COA1: variants seen among roughly 807,000 people sequenced by gnomAD.
The protein encoded by COA1 is cytochrome c oxidase assembly factor 1 homolog.
In COA1, 13 loss-of-function variants were observed where a neutral mutation model predicts 16.0. The ratio of observed to expected loss-of-function variants is 0.81; its 90% confidence interval spans 0.53 to 1.29. The LOEUF (loss-of-function observed/expected upper bound fraction) is 1.29. COA1 is among the 50% of genes most tolerant of loss of function. COA1 has a pLI of 0.00. For missense variants in COA1, 179 were observed against 177.0 expected, an observed-to-expected ratio of 1.01 and a Z score of -0.06; for synonymous variants, 65 against 65.7, an observed-to-expected ratio of 0.99 and a Z score of 0.05.
rs2095285297 is a variant in COA1 at position 43,712,587 on chromosome 7, G to C, written c.-39+16842C>G. On this transcript the variant is annotated intron_variant, in intron 1 of 5. Coordinates refer to ENST00000223336, the MANE Select transcript of COA1 (RefSeq NM_018224.4). ...TGAAATTTCCTAATGATGGGCCCCA[G>C]TGTGGGTATATTTATTAGACTGAAC... is the stretch of plus-strand genomic sequence containing the variant. Among the ~76,000 whole-genome samples the C allele has an allele frequency of 2.0e-5, 3 of 152,284 alleles. No homozygotes were observed. In the South Asian group the frequency reaches 6.2e-4, roughly 32 times the overall value.
At chr7:43,652,776 C>T (rs2091045472) in intron 1 of COA1, among the ~76,000 whole-genome samples, 1 of 148,632 alleles carries the variant, frequency 6.7e-6, no homozygotes, top group African/African-American at 2.5e-5. Flanking sequence ...AGAGATGGTT[C>T]TTCCCTATTG....
chr7:43,695,683 A>G (rs2131186005), intron 1 of COA1, among the ~76,000 whole-genome samples: 1 of 152,204 alleles, frequency 6.6e-6, no homozygotes, highest in South Asian at 2.1e-4. Context: ...CATACCAATC[A>G]TATGCCAAAA....
intron 5 of COA1, 23 bp downstream of exon 5, chr7:43,640,550 C>T (rs2086788597): frequency 1.3e-6 from 2 of 1,568,646 alleles, no homozygotes; most frequent in East Asian, 2.3e-5. Flanking sequence ...CGCTCCCCCA[C>T]TGCCGTCACC....
chr7:43,679,049 C>T (rs1286300840), intron 1 of COA1, among the ~76,000 whole-genome samples: 5 of 152,092 alleles, frequency 3.3e-5, no homozygotes, highest in Admixed American at 2.0e-4. Context: ...AAGGCCAAGG[C>T]GGGTTGATTA....
intron 1 of COA1, among the ~76,000 whole-genome samples, chr7:43,691,091 A>C: frequency 6.7e-6 from 1 of 149,222 alleles, no homozygotes; most frequent in Non-Finnish European, 1.5e-5. Flanking sequence ...AAAGAAAAGA[A>C]AATTGGCCAG....
intron 1 of COA1, chr7:43,649,241 G>A (rs1300164520): frequency 1.3e-5 from 2 of 152,388 alleles, no homozygotes; most frequent in African/African-American, 2.4e-5. Context: ...AGTAAACTGA[G>A]GCACAGAAAG....
intron 1 of COA1, among the ~76,000 whole-genome samples, chr7:43,726,300 A>C (rs1356564598): frequency 6.6e-6 from 1 of 152,210 alleles, no homozygotes; most frequent in Non-Finnish European, 1.5e-5. Flanking sequence ...AGGGACTCAG[A>C]TGTCACACTA....
At chr7:43,633,747 GGT>G (rs2085413608) in intron 6 of COA1, among the ~76,000 whole-genome samples, 1 of 152,064 alleles carries the variant, frequency 6.6e-6, no homozygotes, top group Non-Finnish European at 1.5e-5. Context: ...AATGAAACTA[GGT>G]ATATACGCCT....
intron 6 of COA1, among the ~76,000 whole-genome samples, chr7:43,630,981 AAACTC>A (rs1335212480): frequency 2.0e-5 from 3 of 152,172 alleles, no homozygotes; most frequent in Non-Finnish European, 4.4e-5. Flanking sequence ...CCAATTTAGA[AAACTC>A]AAGGAGGAAA....
intron 1 of COA1, among the ~76,000 whole-genome samples, chr7:43,675,836 C>A (rs1325775025): frequency 6.6e-6 from 1 of 151,790 alleles, no homozygotes; most frequent in Non-Finnish European, 1.5e-5. Flanking sequence ...ATACTGAATT[C>A]TAACATCTAA....
chr7:43,668,373 A>G (rs2093022974), intron 1 of COA1, among the ~76,000 whole-genome samples: 1 of 152,212 alleles, frequency 6.6e-6, no homozygotes, highest in African/African-American at 2.4e-5. Flanking sequence ...ATCAAAGCCA[A>G]TCCAAAAGGC....
intron 6 of COA1, among the ~76,000 whole-genome samples, chr7:43,628,302 CTTTT>C (rs2084808478): frequency 6.8e-6 from 1 of 147,616 alleles, no homozygotes; most frequent in South Asian, 2.1e-4. Flanking sequence ...TGGTTTGTTC[CTTTT>C]TATTGTTGTG....
intron 1 of COA1, among the ~76,000 whole-genome samples, chr7:43,719,583 T>C (rs2095465527): frequency 6.6e-6 from 1 of 152,248 alleles, no homozygotes; most frequent in Admixed American, 6.5e-5. Context: ...CTAAATTTCC[T>C]TTTCTATTAG....
At chr7:43,644,047 C>T (rs2087977618) in intron 4 of COA1, among the ~76,000 whole-genome samples, 1 of 152,152 alleles carries the variant, frequency 6.6e-6, no homozygotes, top group Admixed American at 6.5e-5. Context: ...TACCTGCCCA[C>T]ACCCACCTCG....
intron 1 of COA1, among the ~76,000 whole-genome samples, chr7:43,718,592 G>GATAAAGTT (rs2095441984): frequency 2.6e-5 from 4 of 152,140 alleles, no homozygotes; most frequent in Admixed American, 2.0e-4. Flanking sequence ...TTTATCCAGA[G>GATAAAGTT]ATCATCTGCT....
chr7:43,709,393 G>C (rs901179870), intron 1 of COA1, among the ~76,000 whole-genome samples: 5 of 150,878 alleles, frequency 3.3e-5, no homozygotes, highest in African/African-American at 1.2e-4. Context: ...AATTCATTTG[G>C]GGTGTAATAT....
intron 1 of COA1, among the ~76,000 whole-genome samples, chr7:43,710,375 A>T (rs2690386): frequency 0.2 from 6,629 of 33,814 alleles, 741 homozygotes; most frequent in African/African-American, 0.33. Flanking sequence ...AAAAAAAAAA[A>T]ATATATATAT....
intron 6 of COA1, among the ~76,000 whole-genome samples, chr7:43,611,963 G>C (rs2082917496): frequency 6.6e-6 from 1 of 152,160 alleles, no homozygotes; most frequent in Non-Finnish European, 1.5e-5. Flanking sequence ...ATGGATCTTT[G>C]ATGTTACTTG....
At chr7:43,720,104 C>A (rs1028891178) in intron 1 of COA1, among the ~76,000 whole-genome samples, 2 of 152,006 alleles carry the variant, frequency 1.3e-5, no homozygotes, top group Admixed American at 6.6e-5. Context: ...CATGGTGAAA[C>A]CCCATCTCTA....
Sources: gnomAD v4.1 joint callset for allele counts (sites outside exome capture counted in the v4.1 genomes callset) on GRCh38, gnomAD v4.1.1 for gene constraint, MANE v1.5 for transcripts, NCBI Gene and HGNC (gene_info 2026-07-23, HGNC 2026-07-21) for gene names.